SPOCK1: variants seen among roughly 807,000 people sequenced by gnomAD.
SPOCK1 encodes testican-1.
Under a neutral mutation model 55.3 loss-of-function variants are expected in SPOCK1, and 23 were observed. The observed-to-expected ratio is 0.42, with a 90% confidence interval of 0.30 to 0.59. SPOCK1 has a LOEUF of 0.59. SPOCK1 is among the 20% of genes least tolerant of loss of function. The pLI, the probability that SPOCK1 is intolerant of heterozygous loss-of-function variation, is 0.22. For missense variants in SPOCK1, 499 were observed against 552.5 expected (o/e 0.90, Z 0.97); for synonymous variants, 226 against 221.0 (o/e 1.02, Z -0.20).
chr5:137,187,373 T>A lies in SPOCK1; in HGVS notation c.233-46679A>T, dbSNP rs574692463. 3.9e-5 allele frequency among the ~76,000 whole-genome samples: 6 copies of A among 152,300 alleles called. No individual in the cohort carries two copies. In the East Asian group the frequency reaches 1.2e-3, roughly 29 times the overall value. On this transcript the variant is annotated intron_variant, in intron 3 of 10. Transcript: ENST00000394945. The stretch of plus-strand genomic sequence containing the variant: ...GTTCATGTCTTCTTTCTACATTCCT[T>A]ATCTAGTTAACAAAGCCAGAAACTT...
chr5:137,043,249 T>C (rs1182685611), intron 6 of SPOCK1, among the ~76,000 whole-genome samples: 1 of 152,182 alleles, frequency 6.6e-6, no homozygotes, highest in Non-Finnish European at 1.5e-5. Flanking sequence ...TATTGGATTA[T>C]AACCTCAAGC....
At chr5:137,397,375 A>G (rs902467486) in intron 2 of SPOCK1, among the ~76,000 whole-genome samples, 1 of 152,194 alleles carries the variant, frequency 6.6e-6, no homozygotes, top group Non-Finnish European at 1.5e-5. Flanking sequence ...TGGGCTGTAC[A>G]TGTGATCGTA....
chr5:137,175,348 G>T (rs761957688), intron 3 of SPOCK1, among the ~76,000 whole-genome samples: 7 of 152,178 alleles, frequency 4.6e-5, no homozygotes, highest in Non-Finnish European at 5.9e-5. Context: ...GAGTAAAATT[G>T]TGATATGATT....
chr5:137,015,940 C>A (rs886141013), intron 6 of SPOCK1, among the ~76,000 whole-genome samples: 1 of 152,084 alleles, frequency 6.6e-6, no homozygotes, highest in Non-Finnish European at 1.5e-5. Flanking sequence ...ACCTAGCCAG[C>A]GTAGAGAAGT....
intron 5 of SPOCK1, among the ~76,000 whole-genome samples, chr5:137,091,224 T>C (rs531839319): frequency 1.3e-5 from 2 of 152,200 alleles, no homozygotes; most frequent in Non-Finnish European, 2.9e-5. Context: ...ATCTCTTCCC[T>C]GCTCCATCCC....
At chr5:137,404,985 C>G (rs1008632216) in intron 2 of SPOCK1, among the ~76,000 whole-genome samples, 13 of 152,164 alleles carry the variant, frequency 8.5e-5, no homozygotes, top group African/African-American at 3.1e-4. Context: ...ATACCAGGAG[C>G]CAGCAGGCTG....
rs535150029 is a variant in SPOCK1, at chr5:136,994,299, G to T, written c.590-1699C>A. On this transcript the variant is annotated intron_variant, in intron 6 of 10. Transcript: ENST00000394945. ...AACACCAGCCAGGAAACAACACTGAGAAATGTCTCGACAGGGAGCAAAGAA... is the reference window on the plus strand; with the variant it reads ...AACACCAGCCAGGAAACAACACTGATAAATGTCTCGACAGGGAGCAAAGAA... Among the ~76,000 whole-genome samples, 4 of 152,288 alleles carry T rather than the reference G, an allele frequency of 2.6e-5. No individual in the cohort carries two copies. The South Asian group carries it at 8.3e-4, about 32-fold the overall frequency.
intron 3 of SPOCK1, among the ~76,000 whole-genome samples, chr5:137,218,085 C>A (rs531755495): frequency 6.6e-6 from 1 of 152,340 alleles, no homozygotes; most frequent in Non-Finnish European, 1.5e-5. Context: ...TTCTTCCCCA[C>A]TGACTTGTGA....
intron 2 of SPOCK1, among the ~76,000 whole-genome samples, chr5:137,462,985 C>T (rs1258205164): frequency 6.6e-6 from 1 of 152,130 alleles, no homozygotes; most frequent in East Asian, 1.9e-4. Flanking sequence ...AAGAGATGAG[C>T]AGGAGCCAAA....
intron 2 of SPOCK1, among the ~76,000 whole-genome samples, chr5:137,456,058 G>A (rs1278931323): frequency 2.6e-5 from 4 of 151,954 alleles, no homozygotes; most frequent in Non-Finnish European, 5.9e-5. Flanking sequence ...AAAAAAGGAG[G>A]AGAAGGAAGA....
At chr5:137,114,330 G>A (rs146921027) in intron 4 of SPOCK1, among the ~76,000 whole-genome samples, 1 of 152,308 alleles carries the variant, frequency 6.6e-6, no homozygotes, top group Non-Finnish European at 1.5e-5. Context: ...CAGATGGCAT[G>A]CACACAGCTG....
At chr5:137,379,123 G>C (rs1161782082) in intron 2 of SPOCK1, among the ~76,000 whole-genome samples, 1 of 152,062 alleles carries the variant, frequency 6.6e-6, no homozygotes, top group Admixed American at 6.5e-5. Flanking sequence ...AACCTCCAAG[G>C]CATGTCTACA....
At chr5:137,091,026 G>A (rs566779740) in intron 5 of SPOCK1, among the ~76,000 whole-genome samples, 1 of 152,288 alleles carries the variant, frequency 6.6e-6, no homozygotes, top group South Asian at 2.1e-4. Context: ...TGGGGCCACA[G>A]GATCCTCTGT....
intron 2 of SPOCK1, among the ~76,000 whole-genome samples, chr5:137,415,740 T>C (rs1408601423): frequency 6.6e-6 from 1 of 152,216 alleles, no homozygotes; most frequent in African/African-American, 2.4e-5. Flanking sequence ...CAAGCTCACT[T>C]AAGGTTTCTG....
chr5:137,401,430 G>A (rs1428845980), intron 2 of SPOCK1, among the ~76,000 whole-genome samples: 1 of 151,826 alleles, frequency 6.6e-6, no homozygotes, highest in Non-Finnish European at 1.5e-5. Context: ...TTAAAGCTGG[G>A]TATGGTGTAT....
chr5:137,161,278 T>G (rs1485954648), intron 3 of SPOCK1, among the ~76,000 whole-genome samples: 1 of 151,720 alleles, frequency 6.6e-6, no homozygotes, highest in Non-Finnish European at 1.5e-5. Context: ...TGGGATCACT[T>G]CTACTTTAAA....
chr5:137,024,732 C>T (rs967927444), intron 6 of SPOCK1, among the ~76,000 whole-genome samples: 1 of 152,098 alleles, frequency 6.6e-6, no homozygotes. Context: ...GAGGCATCCA[C>T]TATATGCTCC....
At chr5:137,408,266 G>A (rs559849979) in intron 2 of SPOCK1, among the ~76,000 whole-genome samples, 1 of 152,304 alleles carries the variant, frequency 6.6e-6, no homozygotes, top group East Asian at 1.9e-4. Context: ...AAGAGGCTAG[G>A]TGTCCCTCAA....
intron 2 of SPOCK1, among the ~76,000 whole-genome samples, chr5:137,463,102 T>C (rs948046509): frequency 6.6e-6 from 1 of 152,176 alleles, no homozygotes; most frequent in Non-Finnish European, 1.5e-5. Context: ...AGATCAGATT[T>C]AGGTTTCAGA....
Sources: allele counts gnomAD v4.1 joint callset (sites outside exome capture counted in the v4.1 genomes callset), GRCh38; gene constraint gnomAD v4.1.1; transcripts MANE v1.5; gene names NCBI Gene and HGNC (gene_info 2026-07-23, HGNC 2026-07-21).